FGF13: variants seen among roughly 807,000 people sequenced by gnomAD.
The protein encoded by FGF13 is fibroblast growth factor homologous factor 2.
In FGF13, 2 loss-of-function variants were observed where a neutral mutation model predicts 19.5. That is an observed-to-expected ratio of 0.10 (90% CI 0.04 to 0.32). FGF13 has a LOEUF of 0.32. Among genes scored for constraint, FGF13 ranks in the 10% least tolerant of loss-of-function variants. The probability of loss-of-function intolerance (pLI) is 1.00; values close to 1 mark genes in which losing one functional copy is unlikely to be tolerated. For synonymous variants in FGF13, 72 were observed against 76.9 expected (o/e 0.94, Z 0.33); for missense variants, 113 against 192.7 (o/e 0.59, Z 2.45).
intron 1 of FGF13, among the ~76,000 whole-genome samples, chrX:138,953,106 C>G (rs2091822352): frequency 9.0e-6 from 1 of 111,216 alleles, no homozygotes; most frequent in Non-Finnish European, 1.9e-5. Flanking sequence ...ATAAATCATG[C>G]TGCTATAAAG....
At chrX:138,741,173 T>C (rs536869055), upstream of FGF13, among the ~76,000 whole-genome samples, 13 of 112,205 alleles carry the variant, frequency 1.2e-4, no homozygotes, top group South Asian at 4.5e-3. Context: ...TCTTGGCCAA[T>C]GTGGGAGCTC....
At chrX:138,728,161 T>G (rs1245904608) in intron 1 of FGF13, among the ~76,000 whole-genome samples, 1 of 111,400 alleles carries the variant, frequency 9.0e-6, no homozygotes, top group Admixed American at 9.5e-5. Context: ...TGATAATATT[T>G]CACTCTAAGT....
At chrX:138,955,853 C>T (rs2091838690) in intron 1 of FGF13, among the ~76,000 whole-genome samples, 1 of 112,101 alleles carries the variant, frequency 8.9e-6, no homozygotes, top group African/African-American at 3.2e-5. Context: ...CACTGCCTTT[C>T]TACTTTCTTG....
At chrX:138,642,525 A>C (rs949221052) in intron 3 of FGF13, among the ~76,000 whole-genome samples, 2 of 111,606 alleles carry the variant, frequency 1.8e-5, no homozygotes, top group South Asian at 7.6e-4. Context: ...ATAAACATGA[A>C]ATGTGGGATT....
rs768586100 is a variant in FGF13 at position 138,810,366 on chromosome X, G to A, written c.217+47146C>T. Among the ~76,000 whole-genome samples the A allele has an allele frequency of 3.7e-3, 408 of 111,536 alleles. 1 individual carries two copies. The highest frequency in any genetic ancestry group is 0.012 in the African/African-American group (367 of 30,662). On this transcript the variant is annotated intron_variant, in intron 3 of 6. Coordinates refer to the FGF13 transcript ENST00000436198. The stretch of plus-strand genomic sequence containing the variant: ...GGAAAGGATTCCCTATTTAATAAAT[G>A]GTGCTGGGAAAACTGGCTAGCCATA...
chrX:138,876,910 A>C (rs2091392757), intron 1 of FGF13, among the ~76,000 whole-genome samples: 1 of 112,936 alleles, frequency 8.9e-6, no homozygotes, highest in African/African-American at 3.2e-5. Context: ...GATACAACAA[A>C]AGAAAAATTT....
chrX:138,777,103 G>A (rs1177794078), intron 3 of FGF13, among the ~76,000 whole-genome samples: 1 of 111,829 alleles, frequency 8.9e-6, no homozygotes, highest in Non-Finnish European at 1.9e-5. Flanking sequence ...TGACAGAACA[G>A]CAGATGGCAG....
chrX:138,996,491 C>T (rs1311146546), intron 1 of FGF13, among the ~76,000 whole-genome samples: 1 of 112,735 alleles, frequency 8.9e-6, no homozygotes, highest in East Asian at 2.8e-4. Context: ...GGTGCTCAAG[C>T]TTGGTGGGGG....
chrX:138,790,823 G>T (rs781130844), intron 3 of FGF13, among the ~76,000 whole-genome samples: 4 of 111,767 alleles, frequency 3.6e-5, no homozygotes. Flanking sequence ...ATGCACCATA[G>T]TGTACCAAAA....
In FGF13 at chrX:139,100,041, AACACACACAC is replaced by A. The variant is rs56821859; in HGVS notation, c.-113+103365_-113+103374del. Reference sequence around the variant, plus strand: ...ATCCTTCCCATTACTGGGGAAAGCAAACACACACACACACACACACACACACACACACACA... The same window carrying A: ...ATCCTTCCCATTACTGGGGAAAGCAAACACACACACACACACACACACACA... On this transcript the variant is annotated intron_variant, in intron 1 of 2. Coordinates refer to the FGF13 transcript ENST00000421460. Among the ~76,000 whole-genome samples the A allele has an allele frequency of 7.2e-4, 55 of 76,410 alleles. 1 individual carries two copies. Among genetic ancestry groups the A allele is most frequent in the South Asian group, 1.8e-3 (2 of 1,124 alleles). 66.4% of individuals were successfully genotyped at this position (76,410 alleles called of 115,157 possible).
At chrX:138,673,123 G>A (rs2089630493) in intron 3 of FGF13, among the ~76,000 whole-genome samples, 1 of 110,802 alleles carries the variant, frequency 9.0e-6, no homozygotes, top group Admixed American at 9.6e-5. Flanking sequence ...GAGATGAAGT[G>A]GACACAATGA....
intron 1 of FGF13, among the ~76,000 whole-genome samples, chrX:138,935,033 G>A (rs2091724531): frequency 9.0e-6 from 1 of 111,563 alleles, no homozygotes. Flanking sequence ...TTCAGGAGGA[G>A]GAAAAGAGTG....
intron 1 of FGF13, among the ~76,000 whole-genome samples, chrX:139,054,956 G>A (rs1421855533): frequency 1.9e-5 from 2 of 104,616 alleles, no homozygotes; most frequent in African/African-American, 7.4e-5. Flanking sequence ...TTGTAAAAGG[G>A]GTTGAGTTCT....
At chrX:138,932,277 T>C (rs1357328640) in intron 1 of FGF13, among the ~76,000 whole-genome samples, 1 of 112,138 alleles carries the variant, frequency 8.9e-6, no homozygotes, top group Non-Finnish European at 1.9e-5. Context: ...CACAGTTTAC[T>C]GAGCCATTAA....
chrX:138,756,841 C>T (rs1194957891), intron 3 of FGF13, among the ~76,000 whole-genome samples: 1 of 111,523 alleles, frequency 9.0e-6, no homozygotes, highest in Non-Finnish European at 1.9e-5. Context: ...ATTTCTGGCT[C>T]CAGGTGATGT....
chrX:138,956,695 G>A (rs776487801), intron 1 of FGF13, among the ~76,000 whole-genome samples: 1 of 111,418 alleles, frequency 9.0e-6, no homozygotes, highest in Admixed American at 9.5e-5. Flanking sequence ...CGACGTAGGG[G>A]TGTGCATGAC....
chrX:138,839,500 T>C (rs1032369085), intron 3 of FGF13, among the ~76,000 whole-genome samples: 2 of 111,707 alleles, frequency 1.8e-5, no homozygotes, highest in Non-Finnish European at 3.8e-5. Flanking sequence ...CTTGACAAAC[T>C]TTGAACTTAC....
intron 3 of FGF13, among the ~76,000 whole-genome samples, chrX:138,847,228 ACTTACT>A (rs1170309917): frequency 9.0e-6 from 1 of 111,610 alleles, no homozygotes; most frequent in Non-Finnish European, 1.9e-5. Flanking sequence ...TGGTGAAGTG[ACTTACT>A]CTTTCTGCAT....
chrX:138,840,105 C>T (rs1057235505), intron 3 of FGF13, among the ~76,000 whole-genome samples: 69 of 111,610 alleles, frequency 6.2e-4, no homozygotes, highest in African/African-American at 2.1e-3. Flanking sequence ...TGACTTGAGG[C>T]AATATTCTAC....
Sources: gnomAD v4.1 joint callset for allele counts (sites outside exome capture counted in the v4.1 genomes callset) on GRCh38, gnomAD v4.1.1 for gene constraint, MANE v1.5 for transcripts, NCBI Gene and HGNC (gene_info 2026-07-23, HGNC 2026-07-21) for gene names.